The following METTL16 variants were observed in gnomAD, a reference collection of about 807,000 sequenced individuals.
METTL16 encodes the protein methyltransferase 16, RNA N6-adenosine, also known as RNA N(6)-adenosine-methyltransferase METTL16.
A neutral mutation model predicts 57.9 loss-of-function variants in METTL16; 19 were observed. The observed-to-expected ratio is 0.33, with a 90% confidence interval of 0.23 to 0.48. The LOEUF (loss-of-function observed/expected upper bound fraction) is 0.48. METTL16 is among the 20% of genes least tolerant of loss of function. METTL16 has a pLI of 0.99. For missense variants in METTL16, 434 were observed against 691.5 expected, an observed-to-expected ratio of 0.63 and a Z score of 4.18; for synonymous variants, 246 against 255.6, an observed-to-expected ratio of 0.96 and a Z score of 0.36.
At chr17:2,458,335 C>CT (rs780582650) in intron 6 of METTL16, among the ~76,000 whole-genome samples, 28 of 151,812 alleles carry the variant, frequency 1.8e-4, no homozygotes, top group Admixed American at 8.5e-4. Context: ...CCATAAAGGG[C>CT]ATCAGTTATA....
At chr17:2,469,132 G>A (rs1461741441) in intron 4 of METTL16, among the ~76,000 whole-genome samples, 1 of 152,146 alleles carries the variant, frequency 6.6e-6, no homozygotes, top group African/African-American at 2.4e-5. Flanking sequence ...AGCTACTCAG[G>A]AGGCTGAGGC....
At chr17:2,444,648 C>T (rs1024130298) in intron 6 of METTL16, among the ~76,000 whole-genome samples, 33 of 151,840 alleles carry the variant, frequency 2.2e-4, no homozygotes, top group African/African-American at 7.7e-4. Flanking sequence ...CTCTCACTGA[C>T]TCACACAGAG....
chr17:2,420,669 A>AG lies in METTL16; in HGVS notation c.1062+61_1062+62insC. The AG allele has an allele frequency of 6.4e-7, 1 of 1,558,358 alleles. No homozygotes were observed. On this transcript the variant is annotated intron_variant, in intron 9 of 9. Transcript: ENST00000263092. The surrounding 1 kb of genome is among the most constrained non-coding windows in gnomAD (Gnocchi z 5.4). ...TCTCCAAACTCTCAATAAAAAAAAA[A>AG]AGAAAAAAGAAAAAAGAGAAGGATC...
intron 6 of METTL16, among the ~76,000 whole-genome samples, chr17:2,460,612 G>A (rs531687094): frequency 3.9e-5 from 6 of 152,216 alleles, no homozygotes; most frequent in East Asian, 1.9e-4. Context: ...AGGGTTGGGC[G>A]CGGTGGCTCA....
chr17:2,445,893 A>G (rs1179666343), intron 6 of METTL16, among the ~76,000 whole-genome samples: 1 of 152,060 alleles, frequency 6.6e-6, no homozygotes, highest in Non-Finnish European at 1.5e-5. Flanking sequence ...CAATATATAA[A>G]AAGAATAATA....
At chr17:2,440,227 A>C (rs938906093) in intron 7 of METTL16, among the ~76,000 whole-genome samples, 2 of 151,962 alleles carry the variant, frequency 1.3e-5, no homozygotes, top group Admixed American at 6.6e-5. Flanking sequence ...ACCACACTAC[A>C]GTCTGGTTGA....
At chr17:2,479,795 G>A (rs1000685761) in intron 2 of METTL16, among the ~76,000 whole-genome samples, 3 of 152,118 alleles carry the variant, frequency 2.0e-5, no homozygotes, top group African/African-American at 7.2e-5. Flanking sequence ...GTTCTAGTAT[G>A]GAAGTTAGGA....
chr17:2,458,871 A>G (rs186313673), intron 6 of METTL16, among the ~76,000 whole-genome samples: 2 of 151,758 alleles, frequency 1.3e-5, no homozygotes, highest in Admixed American at 6.6e-5. Context: ...CAGTGGTACA[A>G]TCTCGGCTTA....
At chr17:2,467,662 A>G (rs926129887) in intron 5 of METTL16, 99 bp downstream of exon 5, 1 of 810,854 alleles carries the variant, frequency 1.2e-6, no homozygotes, top group Non-Finnish European at 2.1e-6. Context: ...TCCTGACTTC[A>G]TGATTCACCC....
intron 8 of METTL16, among the ~76,000 whole-genome samples, chr17:2,426,241 G>A (rs996607176): frequency 2.0e-5 from 3 of 152,090 alleles, no homozygotes; most frequent in Non-Finnish European, 2.9e-5. Flanking sequence ...TTTTTTAAAA[G>A]AGATAGGGAG....
At chr17:2,440,672 A>G (rs1028273540) in intron 7 of METTL16, among the ~76,000 whole-genome samples, 1 of 152,184 alleles carries the variant, frequency 6.6e-6, no homozygotes, top group Non-Finnish European at 1.5e-5. Flanking sequence ...TTGGTCCCAA[A>G]GGAAAAGAAA....
intron 1 of METTL16, among the ~76,000 whole-genome samples, chr17:2,504,298 A>C (rs1437123299): frequency 2.0e-5 from 3 of 152,202 alleles, no homozygotes; most frequent in Non-Finnish European, 4.4e-5. Flanking sequence ...GATAGAGGTG[A>C]TGGTTGCACA....
chr17:2,430,414 T>A (rs1033863803), intron 8 of METTL16, among the ~76,000 whole-genome samples: 1 of 94,862 alleles, frequency 1.1e-5, no homozygotes, highest in Non-Finnish European at 2.1e-5. Flanking sequence ...AGAATTCTCT[T>A]TTTTTTTTTT....
intron 1 of METTL16, among the ~76,000 whole-genome samples, chr17:2,510,813 G>A (rs2067581898): frequency 6.6e-6 from 1 of 151,982 alleles, no homozygotes; most frequent in South Asian, 2.1e-4. Context: ...CAGGTACAGA[G>A]CACTGCACCT....
chr17:2,440,995 A>AG (rs1304356342), intron 7 of METTL16, among the ~76,000 whole-genome samples: 1 of 102,766 alleles, frequency 9.7e-6, no homozygotes, highest in African/African-American at 7.3e-5. Context: ...AAAAAAAAAA[A>AG]AGAAGAAGAA....
chr17:2,477,950 G>A (rs371785842), intron 2 of METTL16, 65 bp from the exon 3 acceptor site: 11 of 1,389,306 alleles, frequency 7.9e-6, no homozygotes, highest in South Asian at 1.2e-5. Flanking sequence ...CAAGCTCTAC[G>A]GCAAACAGGC....
chr17:2,455,985 AAATT>A (rs141489712), intron 6 of METTL16, among the ~76,000 whole-genome samples: 4,831 of 151,902 alleles, frequency 0.032, 275 homozygotes, highest in African/African-American at 0.11. Flanking sequence ...CCTGTCTCGA[AAATT>A]AATTAATTAA....
At chr17:2,447,752 G>C (rs2067018378) in intron 6 of METTL16, among the ~76,000 whole-genome samples, 1 of 138,902 alleles carries the variant, frequency 7.2e-6, no homozygotes, top group South Asian at 2.3e-4. Flanking sequence ...CGGGAGGGAG[G>C]TGGGGGGATC....
At chr17:2,497,461 T>C (rs2067454990) in intron 2 of METTL16, among the ~76,000 whole-genome samples, 1 of 150,878 alleles carries the variant, frequency 6.6e-6, no homozygotes, top group Admixed American at 6.6e-5. Context: ...TACAGGCATA[T>C]GCCACCACGC....
Sources: gnomAD v4.1 joint callset for allele counts (sites outside exome capture counted in the v4.1 genomes callset) on GRCh38, gnomAD v4.1.1 for gene constraint, Gnocchi (gnomAD v3.1) non-coding constraint, MANE v1.5 for transcripts, NCBI Gene and HGNC (gene_info 2026-07-23, HGNC 2026-07-21) for gene names.